Variants in HEATR5B observed in about 807,000 individuals in gnomAD.
The protein encoded by HEATR5B is HEAT repeat containing 5B, also known as HEAT repeat-containing protein 5B.
Under a neutral mutation model 224.1 loss-of-function variants are expected in HEATR5B, and 156 were observed. That is an observed-to-expected ratio of 0.70 (90% CI 0.61 to 0.80). The LOEUF (loss-of-function observed/expected upper bound fraction) is 0.80, where lower values mean the gene tolerates loss of function less well. Ranked by LOEUF, HEATR5B falls within the 30% of genes least tolerant of loss-of-function variation. HEATR5B has a pLI of 0.00. For missense variants in HEATR5B, 2,323 were observed against 2,535.5 expected, an observed-to-expected ratio of 0.92 and a Z score of 1.80; for synonymous variants, 1,027 against 893.0, an observed-to-expected ratio of 1.15 and a Z score of -2.68.
chr2:37,007,952 C>G (rs1221682526), intron 28 of HEATR5B, among the ~76,000 whole-genome samples: 1 of 152,198 alleles, frequency 6.6e-6, no homozygotes, highest in East Asian at 1.9e-4. Flanking sequence ...CCAGGGAACT[C>G]TGTTTCTTCC....
intron 18 of HEATR5B, among the ~76,000 whole-genome samples, chr2:37,044,163 T>C (rs552682886): frequency 1.3e-5 from 2 of 152,344 alleles, no homozygotes; most frequent in African/African-American, 4.8e-5. Context: ...TTGGGCAAGA[T>C]ACATTTCAAC....
At chr2:37,005,180 G>A (rs1435078312) in intron 30 of HEATR5B, among the ~76,000 whole-genome samples, 2 of 152,106 alleles carry the variant, frequency 1.3e-5, no homozygotes, top group Non-Finnish European at 2.9e-5. Flanking sequence ...TGAACTTGCC[G>A]TGTTCTCTCA....
At chr2:36,988,036 C>A (rs1666062482) in intron 35 of HEATR5B, among the ~76,000 whole-genome samples, 1 of 151,240 alleles carries the variant, frequency 6.6e-6, no homozygotes, top group East Asian at 2.0e-4. Context: ...GGTGCCATTG[C>A]ATGCCAGCCT....
rs200758618 is a variant in HEATR5B, at chr2:36,981,467, A to G, written c.*23T>C. On this transcript the variant is annotated 3_prime_UTR_variant, in exon 36 of 36. Transcript: ENST00000233099. The stretch of plus-strand genomic sequence containing the variant: ...AATTAGGGGCTAGTTGACAACATAA[A>G]TACAAATAAATGAAATTACAAATTA... 7 of 1,577,828 alleles carry G rather than the reference A, an allele frequency of 4.4e-6. No homozygotes were observed. The East Asian group carries it at 1.6e-4, about 35-fold the overall frequency.
Position 37,015,927 on chromosome 2 carries a change from G to A in HEATR5B, c.4105-1907C>T, listed in dbSNP as rs898193993. Reference sequence around the variant, plus strand: ...TAAAGCCTTAAAGCCAGACCAGATGGAACATAGTTACAATTAAGGGACAAG... The same window carrying A: ...TAAAGCCTTAAAGCCAGACCAGATGAAACATAGTTACAATTAAGGGACAAG... On this transcript the variant is annotated intron_variant, in intron 26 of 35. Transcript: ENST00000233099. Among the ~76,000 whole-genome samples the A allele has an allele frequency of 2.0e-5, 3 of 151,934 alleles. No individual in the cohort carries two copies. In the South Asian group the frequency reaches 6.2e-4, roughly 32 times the overall value.
chr2:37,080,393 A>C (rs920014048), intron 2 of HEATR5B, among the ~76,000 whole-genome samples: 1 of 152,364 alleles, frequency 6.6e-6, no homozygotes, highest in East Asian at 1.9e-4. Context: ...CCAAATAGGA[A>C]GCAGATGCAA....
chr2:37,019,674 C>G, intron 26 of HEATR5B, 135 bp downstream of exon 26: 1 of 607,340 alleles, frequency 1.6e-6, no homozygotes, highest in Non-Finnish European at 2.9e-6. Flanking sequence ...CCAGGCTGAT[C>G]TCAAACTCCT....
rs1669209571 is a variant in HEATR5B at position 37,032,687 on chromosome 2, T to C, written c.3303A>G (p.Val1101=). The change falls in exon 22 of 36, where the codon GTA becomes GTG. Residue 1101 remains valine, a synonymous_variant. Transcript: ENST00000233099. ...RQLAQREAAE[V]CEYAMSLAKN... ...TTGCCAGGCTCATGGCATATTCACA[T>C]ACTTCCGCTGCTTCTCTTTGTGCAA... 1 of 1,614,140 alleles carries C rather than the reference T, an allele frequency of 6.2e-7. No homozygotes were observed. Among genetic ancestry groups the C allele is most frequent in the Non-Finnish European group, 8.5e-7 (1 of 1,180,002 alleles).
At chr2:37,037,159 T>TATATATATATATATATATATA (rs1448007926) in intron 21 of HEATR5B, among the ~76,000 whole-genome samples, 25 of 139,288 alleles carry the variant, frequency 1.8e-4, no homozygotes, top group South Asian at 2.5e-4. Flanking sequence ...TATATATATA[T>TATATATATATATATATATATA]TTTGGAGATG....
chr2:37,075,426 T>C (rs1280730997), intron 5 of HEATR5B, 59 bp downstream of exon 5: 1 of 1,339,162 alleles, frequency 7.5e-7, no homozygotes, highest in African/African-American at 1.5e-5. Flanking sequence ...AAAAAAATCG[T>C]TGACTGTTTA....
intron 20 of HEATR5B, among the ~76,000 whole-genome samples, 157 bp from the exon 21 acceptor site, chr2:37,038,181 C>T (rs1669629685): frequency 6.6e-6 from 1 of 152,050 alleles, no homozygotes; most frequent in Non-Finnish European, 1.5e-5. Flanking sequence ...ACTCTGTCGC[C>T]CAGGCTAGAG....
At chr2:37,035,364 T>C (rs1322585701) in intron 21 of HEATR5B, among the ~76,000 whole-genome samples, 2 of 152,212 alleles carry the variant, frequency 1.3e-5, no homozygotes, top group African/African-American at 4.8e-5. Flanking sequence ...TGTGCCACAG[T>C]CGTAAGTTAT....
chr2:36,994,249 A>T (rs1447073502), intron 33 of HEATR5B, among the ~76,000 whole-genome samples: 1 of 152,192 alleles, frequency 6.6e-6, no homozygotes, highest in Non-Finnish European at 1.5e-5. Context: ...GGAGTTCCTT[A>T]TGTTATTCTT....
intron 18 of HEATR5B, among the ~76,000 whole-genome samples, chr2:37,044,194 G>A (rs539335519): frequency 1.1e-4 from 16 of 152,264 alleles, no homozygotes; most frequent in Non-Finnish European, 1.9e-4. Flanking sequence ...TCGTATGTGG[G>A]TAGTGGCTGC....
intron 26 of HEATR5B, among the ~76,000 whole-genome samples, chr2:37,014,857 T>A (rs1447541144): frequency 4.0e-5 from 6 of 151,670 alleles, no homozygotes; most frequent in Non-Finnish European, 8.8e-5. Flanking sequence ...GTGGCGTGTG[T>A]CTGTAATCCC....
chr2:37,079,905 C>T (rs373358641), intron 2 of HEATR5B, among the ~76,000 whole-genome samples: 2 of 152,218 alleles, frequency 1.3e-5, no homozygotes, highest in African/African-American at 4.8e-5. Context: ...AAGTCCCTGC[C>T]CTCATTAAGT....
chr2:37,065,809 G>A lies in HEATR5B; in HGVS notation c.1279C>T (p.Leu427=), dbSNP rs768629284. The change falls in exon 9 of 36, where the codon CTG becomes TTG. Residue 427 remains leucine (L), a synonymous_variant. Coordinates refer to ENST00000233099, the MANE Select transcript of HEATR5B (RefSeq NM_019024.3). The part of the protein sequence containing the change: ...MVCALQELGS[L]VQSLNATASP... The stretch of plus-strand genomic sequence containing the variant: ...GCGGTGGCATTCAAGCTCTGCACCA[G>A]GCTCCCGAGTTCCTGGAGGGCACAG... 47 of 1,613,884 alleles carry A rather than the reference G, an allele frequency of 2.9e-5. 1 individual carries two copies. Among genetic ancestry groups the A allele is most frequent in the Non-Finnish European group, 3.6e-5 (43 of 1,179,936 alleles).
rs1400234297 is a variant in HEATR5B at position 37,037,866 on chromosome 2, G to T, written c.3205C>A (p.Pro1069Thr). Reference sequence around the variant, plus strand: ...AGCTCTATACTTACACAAAGGCTAGGAACAAGGCTAGATAGATTGACATGT... The same window carrying T: ...AGCTCTATACTTACACAAAGGCTAGTAACAAGGCTAGATAGATTGACATGT... ...PRHVNLSSLV[P>T]SLCVHLCSSH... The change falls in exon 21 of 36, where the codon CCT becomes ACT. Residue 1069 changes from proline to threonine, a missense_variant. Physicochemically the swap from Pro to Thr is conservative, Grantham distance 38. This residue lies in a region of HEATR5B where 88 missense variants were observed against 86.8 expected (regional missense o/e 1.01). Coordinates refer to ENST00000233099, the MANE Select transcript of HEATR5B (RefSeq NM_019024.3). 4 of 1,553,416 alleles carry T rather than the reference G, an allele frequency of 2.6e-6. No homozygotes were observed. The highest frequency in any genetic ancestry group is 2.7e-5 in the African/African-American group (2 of 73,158).
intron 26 of HEATR5B, 124 bp downstream of exon 26, chr2:37,019,685 G>C (rs1572820302): frequency 1.6e-6 from 1 of 633,714 alleles, no homozygotes; most frequent in East Asian, 2.8e-5. Context: ...TCAAACTCCT[G>C]AATTCAAGCG....
Sources: allele counts gnomAD v4.1 joint callset (sites outside exome capture counted in the v4.1 genomes callset), GRCh38; gene constraint gnomAD v4.1.1; regional missense constraint gnomAD v4.1.1; transcripts MANE v1.5; gene names NCBI Gene and HGNC (gene_info 2026-07-23, HGNC 2026-07-21).